The following SP6 variants were observed in gnomAD, a reference collection of about 807,000 sequenced individuals.
SP6 encodes the protein Sp6 transcription factor.
SP6 carries 10 observed loss-of-function variants against 23.4 expected under a neutral mutation model. The observed-to-expected ratio is 0.43, with a 90% CI of 0.26 to 0.72. The LOEUF is 0.72. Among genes scored for constraint, SP6 ranks in the 30% least tolerant of loss-of-function variants. SP6 has a pLI of 0.23. For synonymous variants in SP6, 238 were observed against 238.7 expected (o/e 1.00, Z 0.03); for missense variants, 482 against 523.8 (o/e 0.92, Z 0.78).
chr17:47,852,319 G>A (rs749645561), upstream of SP6, among the ~76,000 whole-genome samples: 20 of 152,068 alleles, frequency 1.3e-4, no homozygotes, highest in Admixed American at 3.3e-4. Flanking sequence ...CAAAGCACCG[G>A]TGGGTAGGGA....
chr17:47,876,003 G>C, the SP6 span, among the ~76,000 whole-genome samples: 1 of 152,168 alleles, frequency 6.6e-6, no homozygotes, highest in South Asian at 2.1e-4. Context: ...CCCTGTCACA[G>C]TGAGCTCCCC....
chr17:47,869,627 T>G, the SP6 span, among the ~76,000 whole-genome samples: 1 of 152,158 alleles, frequency 6.6e-6, no homozygotes, highest in Non-Finnish European at 1.5e-5. Context: ...GTAAACACAG[T>G]GCATGATCTC....
chr17:47,873,604 T>C, the SP6 span, among the ~76,000 whole-genome samples: 2 of 152,278 alleles, frequency 1.3e-5, no homozygotes, highest in Admixed American at 1.3e-4. Context: ...TCTCTGAATA[T>C]CAAGTGGCTA....
chr17:47,863,796 T>C, the SP6 span, among the ~76,000 whole-genome samples: 1 of 144,596 alleles, frequency 6.9e-6, no homozygotes, highest in African/African-American at 2.6e-5. Context: ...TGGAGTGCAG[T>C]GGCGCGATCT....
chr17:47,862,795 T>G, the SP6 span, among the ~76,000 whole-genome samples: 1 of 152,226 alleles, frequency 6.6e-6, no homozygotes, highest in Non-Finnish European at 1.5e-5. Flanking sequence ...AGACTCAGCC[T>G]CCTGTAGTGC....
In SP6 at chr17:47,847,937, G is replaced by A. The variant is rs2033910089; in HGVS notation, c.493C>T (p.Pro165Ser). The A allele has an allele frequency of 8.9e-6, 14 of 1,568,418 alleles. No homozygotes were observed. Among genetic ancestry groups the A allele is most frequent in the East Asian group, 2.3e-5 (1 of 42,570 alleles). ...AGGTGGTGCGCATGCGGGTGGGGTG[G>A]CGGGGCACAAAGCTGGTGGTCTCCG... ...YVGDHQLCAP[P>S]PHPHAHHLLP... is the part of the protein sequence containing the mutation. The change falls in exon 2 of 2, where the codon CCA (proline) becomes TCA (serine). Residue 165 changes from proline to serine, a missense_variant. Coordinates refer to ENST00000536300, the MANE Select transcript of SP6 (RefSeq NM_001258248.2).
At chr17:47,852,454 T>A (rs897872647), upstream of SP6, among the ~76,000 whole-genome samples, 2 of 152,112 alleles carry the variant, frequency 1.3e-5, no homozygotes, top group African/African-American at 4.8e-5. Flanking sequence ...CAGATTAATT[T>A]CCCTATTTCT....
In SP6 at chr17:47,848,379, C is replaced by A; in HGVS notation, c.51G>T (p.Pro17=). ...GGTCGAGGCGCGGCGGGGAGGCGTG[C>A]GGCGCTTCCGTGTGCTGGCTGCCCA... ...GSLGSQHTEA[P]HASPPRLDLQ... Residue 17 remains proline (P), a synonymous_variant, in exon 2 of 2, where the codon CCG becomes CCT. Transcript: ENST00000536300. The surrounding 1 kb of genome is among the most constrained non-coding windows in gnomAD (Gnocchi z 5.3). 1 of 1,559,934 alleles carries A rather than the reference C, an allele frequency of 6.4e-7. No homozygotes were observed. Among genetic ancestry groups the A allele is most frequent in the Non-Finnish European group, 8.7e-7 (1 of 1,153,460 alleles).
At chr17:47,853,387 G>A (rs2033976041), upstream of SP6, among the ~76,000 whole-genome samples, 1 of 152,194 alleles carries the variant, frequency 6.6e-6, no homozygotes, top group Non-Finnish European at 1.5e-5. Context: ...CTCTGGAATG[G>A]AGTAGACACT....
chr17:47,874,014 C>G, the SP6 span, among the ~76,000 whole-genome samples: 4 of 150,150 alleles, frequency 2.7e-5, no homozygotes, highest in Admixed American at 6.6e-5. Flanking sequence ...TCCTTCCTCC[C>G]TCCTTCTTCC....
chr17:47,845,907 C>A lies in SP6; in HGVS notation c.*1392G>T, dbSNP rs926551408. 1 of 152,192 alleles carries A rather than the reference C, an allele frequency of 6.6e-6. No individual in the cohort carries two copies. The highest frequency in any genetic ancestry group is 6.5e-5 in the Admixed American group (1 of 15,280). 9.4% of individuals were successfully genotyped at this position (152,192 alleles called of 1,614,324 possible). ...GCTGCAAGGGCTGTGGCCTGTCAGACCCTTCCTCATATCAGCTTCTTTCCC... is the reference window on the plus strand; with the variant it reads ...GCTGCAAGGGCTGTGGCCTGTCAGAACCTTCCTCATATCAGCTTCTTTCCC... On this transcript the variant is annotated 3_prime_UTR_variant, in exon 2 of 2. Transcript: ENST00000536300.
chr17:47,874,343 G>C, the SP6 span, among the ~76,000 whole-genome samples: 21,389 of 151,954 alleles, frequency 0.14, 1,773 homozygotes, highest in South Asian at 0.24. Flanking sequence ...CTCCTGCCTT[G>C]GCCTCTCAAA....
At chr17:47,863,716 G>A in the SP6 span, among the ~76,000 whole-genome samples, 1 of 149,252 alleles carries the variant, frequency 6.7e-6, no homozygotes, top group African/African-American at 2.5e-5. Context: ...TTACAGGCAT[G>A]TGCCACCACG....
Position 47,847,808 on chromosome 17 carries a change from C to T in SP6, c.622G>A (p.Gly208Arg), listed in dbSNP as rs781076818. The T allele has an allele frequency of 1.3e-6, 2 of 1,532,504 alleles. No homozygotes were observed. Among genetic ancestry groups the T allele is most frequent in the East Asian group, 2.3e-5 (1 of 44,122 alleles). The allele number at this position is 1,532,504 out of a possible 1,614,324, so 94.9% of individuals were successfully genotyped here. Residue 208 changes from glycine (G) to arginine (R), a missense_variant, in exon 2 of 2, where the codon GGG becomes AGG. By Grantham distance (125) the Gly-to-Arg change is moderately radical. Coordinates refer to ENST00000536300, the MANE Select transcript of SP6 (RefSeq NM_001258248.2). ...CGGGAGCCTTTGGGACGCGCCGCCC[C>T]GTCCAGGCTGGAATCCAGCCCTTGA... is the stretch of plus-strand genomic sequence containing the variant. ...ESQGLDSSLD[G>R]AARPKGSRRS... is the part of the protein sequence containing the mutation.
the SP6 span, among the ~76,000 whole-genome samples, chr17:47,869,393 C>T: frequency 3.4e-3 from 524 of 152,302 alleles, 1 homozygote; most frequent in Non-Finnish European, 4.2e-3. Flanking sequence ...TCTCCCAGTC[C>T]TCATCCTGTT....
Position 47,847,862 on chromosome 17 carries a change from T to C in SP6, c.568A>G (p.Lys190Glu). The C allele has an allele frequency of 1.9e-6, 3 of 1,539,178 alleles. No homozygotes were observed. The highest frequency in any genetic ancestry group is 1.7e-6 in the Non-Finnish European group (2 of 1,143,448). ...QHLLGPPDGA[K>E]ALEVAAPESQ... ...TCCGGGGCGGCTACTTCCAAGGCCT[T>C]AGCCCCGTCGGGCGGCCCTAGGAGA... Residue 190 changes from lysine to glutamate, a missense_variant, in exon 2 of 2, where the codon AAG becomes GAG. Lys to Glu is a moderately conservative substitution (Grantham distance 56). Around this residue, in one of 3 missense-constraint regions of SP6, gnomAD observed 330 missense variants for 332.3 expected, o/e 0.99. Transcript: ENST00000536300.
Position 47,845,962 on chromosome 17 carries a change from C to T in SP6, c.*1337G>A, listed in dbSNP as rs2033881011. 1 of 152,150 alleles carries T rather than the reference C, an allele frequency of 6.6e-6. No individual in the cohort carries two copies. Among genetic ancestry groups the T allele is most frequent in the African/African-American group, 2.4e-5 (1 of 41,412 alleles). 9.4% of individuals were successfully genotyped at this position (152,150 alleles called of 1,614,324 possible). A position where few individuals can be genotyped will look rare whatever the true frequency, so the allele number is the denominator to read the frequency against. ...GCCTGGCTCAGCTTCTGCTGGGCTT[C>T]TCCCCTCCCTCCTTTCCTCTCTCCC... On this transcript the variant is annotated 3_prime_UTR_variant, in exon 2 of 2. Coordinates refer to ENST00000536300, the MANE Select transcript of SP6 (RefSeq NM_001258248.2).
chr17:47,859,999 C>T (rs986538751), upstream of SP6, among the ~76,000 whole-genome samples: 5 of 152,156 alleles, frequency 3.3e-5, no homozygotes, highest in East Asian at 9.6e-4. Flanking sequence ...GGAAAGATCC[C>T]AGTCATGTCG....
At chr17:47,857,128 C>T (rs2034003437), upstream of SP6, among the ~76,000 whole-genome samples, 1 of 152,102 alleles carries the variant, frequency 6.6e-6, no homozygotes, top group African/African-American at 2.4e-5. Flanking sequence ...GGACCTCTTT[C>T]TTCAATCTTA....
Sources: allele counts gnomAD v4.1 joint callset (sites outside exome capture counted in the v4.1 genomes callset), GRCh38; gene constraint gnomAD v4.1.1; regional missense constraint gnomAD v4.1.1; non-coding constraint Gnocchi (gnomAD v3.1); transcripts MANE v1.5; gene names NCBI Gene and HGNC (gene_info 2026-07-23, HGNC 2026-07-21).